FRMD4A: variants seen among roughly 807,000 people sequenced by gnomAD.
FRMD4A encodes the protein FERM domain containing 4A.
Under a neutral mutation model 129.1 loss-of-function variants are expected in FRMD4A, and 29 were observed. The ratio of observed to expected loss-of-function variants is 0.22; its 90% CI spans 0.17 to 0.31. The LOEUF is 0.31. Among genes scored for constraint, FRMD4A ranks in the 10% least tolerant of loss-of-function variants. The probability of loss-of-function intolerance (pLI) is 1.00; values close to 1 mark genes in which losing one functional copy is unlikely to be tolerated. For missense variants in FRMD4A, 1,272 were observed against 1,375.8 expected (o/e 0.92, Z 1.19); for synonymous variants, 634 against 571.6 (o/e 1.11, Z -1.56).
chr10:13,959,505 GA>G lies in FRMD4A; in HGVS notation c.46-100594del, dbSNP rs2095432987. Reference sequence around the variant, plus strand: ...AAAAAAAAAAAAAAAAAAAAGCTGTGAGTGATTTTTTTTTTTAGATTTGTAA... The same window carrying G: ...AAAAAAAAAAAAAAAAAAAAGCTGTGGTGATTTTTTTTTTTAGATTTGTAA... On this transcript the variant is annotated intron_variant, in intron 2 of 24. Transcript: ENST00000357447. Among the ~76,000 whole-genome samples, 3 of 13,446 alleles carry G rather than the reference GA, an allele frequency of 2.2e-4. 1 individual carries two copies. Among genetic ancestry groups the G allele is most frequent in the Non-Finnish European group, 3.0e-4 (3 of 9,918 alleles). The allele number at this position is 13,446 out of a possible 152,430, so 8.8% of individuals were successfully genotyped here. A position where few individuals can be genotyped will look rare whatever the true frequency, so the allele number is the denominator to read the frequency against.
At chr10:13,945,856 C>T (rs989168158) in intron 2 of FRMD4A, among the ~76,000 whole-genome samples, 2 of 152,160 alleles carry the variant, frequency 1.3e-5, no homozygotes, top group African/African-American at 4.8e-5. Flanking sequence ...CCTTCATTTC[C>T]TTGCTCATGA....
intron 2 of FRMD4A, among the ~76,000 whole-genome samples, chr10:14,059,614 C>A (rs1834709923): frequency 6.6e-6 from 1 of 152,216 alleles, no homozygotes; most frequent in Non-Finnish European, 1.5e-5. Flanking sequence ...GCATCCAGAA[C>A]TGTGAGAAAT....
rs72778683 is a variant in FRMD4A, at chr10:14,282,502, T to C, written c.45+47556A>G. ...AGGAAGCAACAACAGCTCAGCAGCTTAAATAAAGGTAGGAGGGATGGGGAA... is the reference window on the plus strand; with the variant it reads ...AGGAAGCAACAACAGCTCAGCAGCTCAAATAAAGGTAGGAGGGATGGGGAA... On this transcript the variant is annotated intron_variant, in intron 2 of 24. Coordinates refer to ENST00000357447, the MANE Select transcript of FRMD4A (RefSeq NM_018027.5). Among the ~76,000 whole-genome samples the C allele has an allele frequency of 5.0e-3, 763 of 152,162 alleles. 26 individuals are homozygous for C. In the South Asian group the frequency reaches 0.064, roughly 13 times the overall value.
Position 13,668,956 on chromosome 10 carries a change from C to T in FRMD4A, c.1374+1450G>A, listed in dbSNP as rs117274798. Among the ~76,000 whole-genome samples, 796 of 151,884 alleles carry T rather than the reference C, an allele frequency of 5.2e-3. 3 individuals are homozygous for T. Among genetic ancestry groups the T allele is most frequent in the Non-Finnish European group, 7.5e-3 (509 of 67,972 alleles). ...ATCACAAGTGCCAAGTACTGAGTGA[C>T]GTGTTTTACATACACTGGCTCATTC... On this transcript the variant is annotated intron_variant, in intron 17 of 24. Transcript: ENST00000357447.
At chr10:14,057,513 T>C (rs7904899) in intron 2 of FRMD4A, among the ~76,000 whole-genome samples, 123,319 of 152,016 alleles carry the variant, frequency 0.81, 50,909 homozygotes, top group Non-Finnish European at 0.89. Flanking sequence ...AGTCAACGCA[T>C]GCTGCAGCCA....
At chr10:14,199,197 T>C (rs929966586) in intron 2 of FRMD4A, among the ~76,000 whole-genome samples, 3 of 152,064 alleles carry the variant, frequency 2.0e-5, no homozygotes, top group African/African-American at 7.2e-5. Context: ...TCTCATTTGC[T>C]TTCTGGCTAT....
chr10:14,142,264 A>G (rs1039647614), intron 2 of FRMD4A, among the ~76,000 whole-genome samples: 5 of 152,098 alleles, frequency 3.3e-5, no homozygotes, highest in Admixed American at 1.3e-4. Context: ...CATCATTTCT[A>G]TACATGTTCT....
At chr10:13,816,465 C>A (rs2093544393) in intron 3 of FRMD4A, among the ~76,000 whole-genome samples, 1 of 152,204 alleles carries the variant, frequency 6.6e-6, no homozygotes, top group Admixed American at 6.5e-5. Context: ...TTTGTCATTG[C>A]AGCATAACCT....
chr10:13,787,466 T>C (rs12262389), intron 5 of FRMD4A, among the ~76,000 whole-genome samples: 1 of 146,116 alleles, frequency 6.8e-6, no homozygotes, highest in Admixed American at 6.7e-5. Context: ...TTTTTTTTTC[T>C]TTTTTTTCTT....
intron 8 of FRMD4A, among the ~76,000 whole-genome samples, chr10:13,752,158 G>A (rs1037427016): frequency 2.6e-5 from 4 of 152,302 alleles, no homozygotes; most frequent in East Asian, 3.9e-4. Flanking sequence ...AGTTATTAAC[G>A]TTGCCAGGAT....
At chr10:13,920,265 C>T (rs112323244) in intron 2 of FRMD4A, among the ~76,000 whole-genome samples, 7 of 152,206 alleles carry the variant, frequency 4.6e-5, no homozygotes, top group African/African-American at 1.7e-4. Flanking sequence ...TTGGCAGAAG[C>T]AGAACTTTGG....
At chr10:13,891,644 A>C (rs1318778410) in intron 2 of FRMD4A, 1 of 985,020 alleles carries the variant, frequency 1.0e-6, no homozygotes, top group Non-Finnish European at 1.2e-6. Flanking sequence ...TTGCGCTTCC[A>C]AGGGATCCGA....
At chr10:13,740,487 T>C (rs778643146) in intron 10 of FRMD4A, 25 bp downstream of exon 10, 3 of 1,389,956 alleles carry the variant, frequency 2.2e-6, no homozygotes, top group South Asian at 2.4e-5. Context: ...ACTGTCCCCA[T>C]GTGAGCTGGG....
chr10:14,205,438 C>T (rs893642111), intron 2 of FRMD4A, among the ~76,000 whole-genome samples: 1 of 152,126 alleles, frequency 6.6e-6, no homozygotes, highest in African/African-American at 2.4e-5. Flanking sequence ...GCCTAACCAG[C>T]TTCCTTACTG....
At chr10:13,756,118 G>A (rs1019612401) in intron 8 of FRMD4A, 3 of 152,054 alleles carry the variant, frequency 2.0e-5, no homozygotes, top group Admixed American at 6.5e-5. Context: ...TCCAGTCCTC[G>A]GAAACAAAAA....
intron 8 of FRMD4A, among the ~76,000 whole-genome samples, chr10:13,753,450 C>T (rs1382654124): frequency 6.6e-6 from 1 of 151,662 alleles, no homozygotes; most frequent in Non-Finnish European, 1.5e-5. Flanking sequence ...ATTCTGAATT[C>T]TGGGCATGAA....
At chr10:13,655,296 G>C (rs960618453) in intron 22 of FRMD4A, 1 of 152,088 alleles carries the variant, frequency 6.6e-6, no homozygotes, top group Non-Finnish European at 1.5e-5. Flanking sequence ...AAATCTACTA[G>C]ACCAGTGCTG....
At chr10:14,088,768 A>T (rs1370410053) in intron 2 of FRMD4A, among the ~76,000 whole-genome samples, 3 of 137,452 alleles carry the variant, frequency 2.2e-5, no homozygotes, top group African/African-American at 8.4e-5. Context: ...CCTGGGGGAC[A>T]GAGCAAGACT....
intron 12 of FRMD4A, among the ~76,000 whole-genome samples, chr10:13,732,342 G>C (rs1002237727): frequency 1.3e-5 from 2 of 152,132 alleles, no homozygotes; most frequent in Non-Finnish European, 2.9e-5. Context: ...TGGGGATGAG[G>C]GGTAGGTCAT....
Sources: allele counts gnomAD v4.1 joint callset (sites outside exome capture counted in the v4.1 genomes callset), GRCh38; gene constraint gnomAD v4.1.1; transcripts MANE v1.5; gene names NCBI Gene and HGNC (gene_info 2026-07-23, HGNC 2026-07-21).